The following TENM2 variants were observed in gnomAD, a reference collection of about 807,000 sequenced individuals.
TENM2 encodes teneurin transmembrane protein 2, also known as teneurin-2.
TENM2 carries 52 observed loss-of-function variants against 245.2 expected under a neutral mutation model. The ratio of observed to expected loss-of-function variants is 0.21; its 90% CI spans 0.17 to 0.27. TENM2 has a LOEUF of 0.27. Ranked by LOEUF, TENM2 falls within the 10% of genes least tolerant of loss-of-function variation. TENM2 has a pLI of 1.00. For missense variants in TENM2, 3,046 were observed against 3,666.8 expected (o/e 0.83, Z 4.37); for synonymous variants, 1,363 against 1,438.9 (o/e 0.95, Z 1.19).
chr5:167,476,621 G>C (rs1021895494), intron 2 of TENM2, among the ~76,000 whole-genome samples: 13 of 152,064 alleles, frequency 8.5e-5, no homozygotes, highest in Non-Finnish European at 2.9e-5. Flanking sequence ...TTTTGAGGTG[G>C]AGTTTCACTC....
chr5:167,438,526 G>A (rs2127455777), intron 2 of TENM2, among the ~76,000 whole-genome samples: 1 of 152,056 alleles, frequency 6.6e-6, no homozygotes, highest in South Asian at 2.1e-4. Context: ...CAAGTAGCTG[G>A]GACTACAGGT....
At chr5:167,027,478 A>G in the TENM2 span, among the ~76,000 whole-genome samples, 1 of 152,296 alleles carries the variant, frequency 6.6e-6, no homozygotes, top group African/African-American at 2.4e-5. Context: ...TTATGTTAGG[A>G]TCATAAGGAT....
At chr5:168,024,433 C>A (rs1194227948) in intron 5 of TENM2, among the ~76,000 whole-genome samples, 1 of 152,152 alleles carries the variant, frequency 6.6e-6, no homozygotes, top group African/African-American at 2.4e-5. Context: ...TAATAACTTT[C>A]CCTTTGCTCA....
At chr5:168,086,182 C>T (rs1792439327) in intron 7 of TENM2, among the ~76,000 whole-genome samples, 1 of 152,154 alleles carries the variant, frequency 6.6e-6, no homozygotes, top group East Asian at 1.9e-4. Flanking sequence ...CTGCCTGTGG[C>T]CACCTTCCCT....
chr5:167,458,494 C>CAAAAAAAAAAAAAA (rs70976430), intron 2 of TENM2, among the ~76,000 whole-genome samples: 4 of 82,010 alleles, frequency 4.9e-5, no homozygotes, highest in Non-Finnish European at 7.0e-5. Flanking sequence ...CTCAAAAAAA[C>CAAAAAAAAAAAAAA]AAAAAAAAAA....
At chr5:167,818,777 C>T (rs532854473) in intron 2 of TENM2, among the ~76,000 whole-genome samples, 3 of 152,284 alleles carry the variant, frequency 2.0e-5, no homozygotes, top group South Asian at 4.2e-4. Flanking sequence ...CTGTTCTCAT[C>T]GCTCCAGTTA....
intron 2 of TENM2, among the ~76,000 whole-genome samples, chr5:167,730,991 G>T (rs1173403428): frequency 1.3e-5 from 2 of 152,080 alleles, no homozygotes; most frequent in African/African-American, 2.4e-5. Flanking sequence ...ATACGACCTA[G>T]GATGCACCTA....
the TENM2 span, among the ~76,000 whole-genome samples, chr5:167,127,322 A>G: frequency 2.0e-5 from 3 of 152,186 alleles, no homozygotes; most frequent in South Asian, 6.2e-4. Context: ...TCCCAACACT[A>G]ATAGCTTTGC....
chr5:167,204,239 G>C, the TENM2 span, among the ~76,000 whole-genome samples: 1 of 151,868 alleles, frequency 6.6e-6, no homozygotes, highest in African/African-American at 2.4e-5. Context: ...GGGAGAAGAG[G>C]GTGGAATAAA....
At chr5:168,013,398 G>T (rs575358395) in intron 5 of TENM2, among the ~76,000 whole-genome samples, 1 of 152,130 alleles carries the variant, frequency 6.6e-6, no homozygotes, top group Non-Finnish European at 1.5e-5. Flanking sequence ...GAGGTCAGGA[G>T]TTCAAGACCA....
intron 2 of TENM2, among the ~76,000 whole-genome samples, chr5:167,423,924 A>G (rs1469116634): frequency 6.6e-6 from 1 of 152,042 alleles, no homozygotes; most frequent in Non-Finnish European, 1.5e-5. Context: ...AACCCCTTAA[A>G]TGTCCTGCGC....
intron 25 of TENM2, among the ~76,000 whole-genome samples, chr5:168,241,350 G>C (rs1190737779): frequency 6.6e-6 from 1 of 151,802 alleles, no homozygotes; most frequent in East Asian, 1.9e-4. Context: ...CCACCTCCTG[G>C]GTTCAAACAA....
intron 2 of TENM2, among the ~76,000 whole-genome samples, chr5:167,549,018 C>G (rs1001666550): frequency 1.3e-5 from 2 of 152,196 alleles, no homozygotes; most frequent in African/African-American, 4.8e-5. Context: ...TCTCCTTCTC[C>G]TTTCTCTCTC....
the TENM2 span, among the ~76,000 whole-genome samples, chr5:167,008,659 C>G: frequency 2.0e-5 from 3 of 152,086 alleles, no homozygotes; most frequent in East Asian, 1.9e-4. Flanking sequence ...CATGTTGAAA[C>G]GATTTTCTTC....
chr5:167,976,973 G>A (rs1583549699), intron 4 of TENM2, among the ~76,000 whole-genome samples: 1 of 152,150 alleles, frequency 6.6e-6, no homozygotes, highest in African/African-American at 2.4e-5. Context: ...ATACACCATG[G>A]AATACTATGC....
At chr5:167,724,994 T>A (rs1364796139) in intron 2 of TENM2, among the ~76,000 whole-genome samples, 1 of 152,174 alleles carries the variant, frequency 6.6e-6, no homozygotes, top group Non-Finnish European at 1.5e-5. Context: ...GTCCTTTCTT[T>A]TCCAAATTTC....
chr5:167,845,303 C>G (rs1583169296), intron 2 of TENM2, among the ~76,000 whole-genome samples: 1 of 130,394 alleles, frequency 7.7e-6, no homozygotes, highest in East Asian at 2.4e-4. Flanking sequence ...CTCTCTCTCT[C>G]TGAATTTTTC....
intron 19 of TENM2, among the ~76,000 whole-genome samples, chr5:168,208,954 C>A (rs1461142783): frequency 6.6e-6 from 1 of 152,034 alleles, no homozygotes; most frequent in Non-Finnish European, 1.5e-5. Flanking sequence ...ACACAAATAA[C>A]CTAATATTTT....
At chr5:167,279,568 T>TCCTTCCTTCCTTCCTC in the TENM2 span, among the ~76,000 whole-genome samples, 1 of 148,636 alleles carries the variant, frequency 6.7e-6, no homozygotes, top group Non-Finnish European at 1.5e-5. Flanking sequence ...CTTCCTTCCT[T>TCCTTCCTTCCTTCCTC]CTTTCTTCTG....
Sources: gnomAD v4.1 joint callset for allele counts (sites outside exome capture counted in the v4.1 genomes callset) on GRCh38, gnomAD v4.1.1 for gene constraint, MANE v1.5 for transcripts, NCBI Gene and HGNC (gene_info 2026-07-23, HGNC 2026-07-21) for gene names.